The following ABCA8 variants were observed in gnomAD, a reference collection of about 807,000 sequenced individuals.
The protein encoded by ABCA8 is ABC-type organic anion transporter ABCA8.
ABCA8 carries 177 observed loss-of-function variants against 192.3 expected under a neutral mutation model. The observed-to-expected ratio is 0.92, with a 90% CI of 0.81 to 1.04. The LOEUF (loss-of-function observed/expected upper bound fraction) is 1.04, where lower values mean the gene tolerates loss of function less well. Among genes scored for constraint, ABCA8 ranks in the 50% least tolerant of loss-of-function variants. ABCA8 has a pLI of 0.00. For missense variants in ABCA8, 1,915 were observed against 1,904.8 expected, an observed-to-expected ratio of 1.01 and a Z score of -0.10; for synonymous variants, 642 against 690.2, an observed-to-expected ratio of 0.93 and a Z score of 1.09.
intron 5 of ABCA8, among the ~76,000 whole-genome samples, chr17:68,934,094 T>C (rs959362113): frequency 6.6e-6 from 1 of 152,176 alleles, no homozygotes; most frequent in African/African-American, 2.4e-5. Context: ...ATATATGTAA[T>C]TTAAAAAATT....
At position 68,932,446 on chromosome 17, in the gene ABCA8, G is replaced by T; in HGVS notation, c.639C>A (p.Ser213=). 2 of 1,614,034 alleles carry T rather than the reference G, an allele frequency of 1.2e-6. No homozygotes were observed. The highest frequency in any genetic ancestry group is 1.7e-6 in the Non-Finnish European group (2 of 1,179,918). Residue 213 remains serine, a synonymous_variant, in exon 7 of 40, where the codon TCC becomes TCA. Coordinates refer to ENST00000586539, the MANE Select transcript of ABCA8 (RefSeq NM_001288985.2). ...TTATAACTCCTGATTGACCAATGAAGGAATGCATCTTCATATTTTTTCCAG... is the reference window on the plus strand; with the variant it reads ...TTATAACTCCTGATTGACCAATGAATGAATGCATCTTCATATTTTTTCCAG... The part of the protein sequence containing the change: ...SVTGKNMKMH[S]FIGQSGVITD...
At chr17:68,921,765 A>G (rs2067539585) in intron 12 of ABCA8, among the ~76,000 whole-genome samples, 2 of 152,208 alleles carry the variant, frequency 1.3e-5, no homozygotes, top group African/African-American at 4.8e-5. Context: ...GTTGATTGAC[A>G]TTGCCTGCAT....
intron 7 of ABCA8, among the ~76,000 whole-genome samples, chr17:68,930,429 T>C (rs2067832394): frequency 6.6e-6 from 1 of 152,242 alleles, no homozygotes; most frequent in Non-Finnish European, 1.5e-5. Context: ...TATGTCAGAA[T>C]AATTCACTTT....
At chr17:68,922,709 T>C (rs948123949) in intron 11 of ABCA8, among the ~76,000 whole-genome samples, 1 of 152,162 alleles carries the variant, frequency 6.6e-6, no homozygotes, top group Non-Finnish European at 1.5e-5. Context: ...TCTTTGGCCA[T>C]CCTGATTCAA....
At chr17:68,946,797 T>C (rs1432624493) in intron 2 of ABCA8, among the ~76,000 whole-genome samples, 14 of 151,780 alleles carry the variant, frequency 9.2e-5, no homozygotes, top group Admixed American at 9.2e-4. Context: ...AAAAATTAGC[T>C]GGGCATGGTG....
chr17:68,888,617 T>C (rs1032971332), intron 24 of ABCA8, among the ~76,000 whole-genome samples: 2 of 152,170 alleles, frequency 1.3e-5, no homozygotes, highest in Non-Finnish European at 2.9e-5. Context: ...GGTGCTGCTA[T>C]ATATGGAGAA....
Position 68,877,524 on chromosome 17 carries a change from G to A in ABCA8, c.4194C>T (p.Ile1398=), listed in dbSNP as rs761328082. The A allele has an allele frequency of 7.4e-6, 12 of 1,613,118 alleles. No homozygotes were observed. In the East Asian group the frequency reaches 1.1e-4, roughly 15 times the overall value. ...GLRKGDAEVA[I]TRLVDALKLQ... ...GATGTGGCTCCTCTGTGTACCGTGT[G>A]ATGGCAACCTCAGCATCCCCTTTCC... is the stretch of plus-strand genomic sequence containing the variant. Residue 1398 remains isoleucine, a synonymous_variant, in exon 33 of 40, where the codon ATC becomes ATT. Transcript: ENST00000586539.
intron 11 of ABCA8, among the ~76,000 whole-genome samples, chr17:68,923,448 C>T (rs768746322): frequency 2.6e-5 from 4 of 152,112 alleles, no homozygotes; most frequent in Non-Finnish European, 4.4e-5. Context: ...GATCCACTAG[C>T]CTCAGCCTCC....
intron 18 of ABCA8, 141 bp downstream of exon 18, chr17:68,907,599 G>T: frequency 1.3e-6 from 1 of 751,598 alleles, no homozygotes; most frequent in Admixed American, 3.9e-5. Flanking sequence ...AAATAATTCA[G>T]TTATTGTACT....
chr17:68,872,595 T>A (rs1478066794), intron 37 of ABCA8, among the ~76,000 whole-genome samples: 2 of 149,710 alleles, frequency 1.3e-5, no homozygotes, highest in African/African-American at 2.5e-5. Context: ...AAATAAAAAA[T>A]AAAAAATAAA....
At chr17:68,924,656 A>G (rs996946204) in intron 11 of ABCA8, 45 bp downstream of exon 11, 1 of 1,585,862 alleles carries the variant, frequency 6.3e-7, no homozygotes, top group East Asian at 2.2e-5. Flanking sequence ...GCTATCTCTT[A>G]GCTTCCTGCC....
At position 68,891,489 on chromosome 17, in the gene ABCA8, C is replaced by G; in HGVS notation, c.3144G>C (p.Lys1048Asn). The G allele has an allele frequency of 6.2e-7, 1 of 1,607,162 alleles. No individual in the cohort carries two copies. Among genetic ancestry groups the G allele is most frequent in the South Asian group, 1.1e-5 (1 of 90,714 alleles). The change falls in exon 24 of 40, where the codon AAG (lysine) becomes AAC (asparagine). Residue 1048 changes from lysine (K) to asparagine (N), a missense_variant and splice_region_variant. Coordinates refer to ENST00000586539, the MANE Select transcript of ABCA8 (RefSeq NM_001288985.2). ...GGAAGTTGCAATTACTCATTATTAC[C>G]TTATAATCATCGATGCTGCTCATGG... is the stretch of plus-strand genomic sequence containing the variant. ...YIAMSSIDDY[K>N]NRARSQLRIS...
At chr17:68,883,711 T>C (rs2066390996) in intron 29 of ABCA8, 80 bp downstream of exon 29, 1 of 924,686 alleles carries the variant, frequency 1.1e-6, no homozygotes, top group East Asian at 2.6e-5. Flanking sequence ...GGCACCTCTT[T>C]GTTAATGAAT....
intron 37 of ABCA8, 99 bp from the exon 38 acceptor site, chr17:68,869,878 G>T (rs528804747): frequency 1.2e-6 from 1 of 812,326 alleles, no homozygotes. Context: ...TTAAAAAATG[G>T]TGTTAGGAAC....
intron 7 of ABCA8, among the ~76,000 whole-genome samples, chr17:68,929,925 TA>T (rs2067813181): frequency 8.5e-6 from 1 of 117,826 alleles, no homozygotes. Flanking sequence ...TTGTTTTTCC[TA>T]AAATTGATTT....
At chr17:68,908,706 C>CA (rs2067156544) in intron 17 of ABCA8, among the ~76,000 whole-genome samples, 1 of 152,130 alleles carries the variant, frequency 6.6e-6, no homozygotes, top group Admixed American at 6.5e-5. Flanking sequence ...TATAGAGAAA[C>CA]AGACAAACAC....
At position 68,911,350 on chromosome 17, in the gene ABCA8, T is replaced by C. The variant is rs956016641; in HGVS notation, c.2139-3471A>G. ...GTGGTGACTAGGGGGAGAGACTCCT[T>C]CTCCTTGAGGAGAGGGAAGAGTGGG... On this transcript the variant is annotated intron_variant, in intron 17 of 39. Coordinates refer to ENST00000586539, the MANE Select transcript of ABCA8 (RefSeq NM_001288985.2). This position sits in a 1 kb window ranked among gnomAD's most constrained non-coding sequence, Gnocchi z 5.7. 2.0e-5 allele frequency among the ~76,000 whole-genome samples: 3 copies of C among 151,654 alleles called. No homozygotes were observed. Among genetic ancestry groups the C allele is most frequent in the Non-Finnish European group, 4.4e-5 (3 of 67,898 alleles).
intron 13 of ABCA8, 138 bp from the exon 14 acceptor site, chr17:68,919,614 T>G (rs2067482484): frequency 1.4e-6 from 1 of 716,242 alleles, no homozygotes; most frequent in Admixed American, 3.0e-5. Flanking sequence ...TTTAGTTGCA[T>G]AGTATATTCA....
chr17:68,869,869 T>A, intron 37 of ABCA8, 90 bp from the exon 38 acceptor site: 1 of 898,912 alleles, frequency 1.1e-6, no homozygotes, highest in South Asian at 1.5e-5. Flanking sequence ...TTTTTTCTTT[T>A]AAAAAATGGT....
Sources: allele counts gnomAD v4.1 joint callset (sites outside exome capture counted in the v4.1 genomes callset), GRCh38; gene constraint gnomAD v4.1.1; non-coding constraint Gnocchi (gnomAD v3.1); transcripts MANE v1.5; gene names NCBI Gene and HGNC (gene_info 2026-07-23, HGNC 2026-07-21).